SHROOM3: variants seen among roughly 807,000 people sequenced by gnomAD.
The protein encoded by SHROOM3 is shroom family member 3.
Under a neutral mutation model 138.6 loss-of-function variants are expected in SHROOM3, and 47 were observed. The ratio of observed to expected loss-of-function variants is 0.34; its 90% CI spans 0.27 to 0.43. The LOEUF is 0.43. Ranked by LOEUF, SHROOM3 falls within the 20% of genes least tolerant of loss-of-function variation. The pLI, the probability that SHROOM3 is intolerant of heterozygous loss-of-function variation, is 1.00. For missense variants in SHROOM3, 2,491 were observed against 2,596.5 expected, an observed-to-expected ratio of 0.96 and a Z score of 0.88; for synonymous variants, 1,062 against 1,063.3, an observed-to-expected ratio of 1.00 and a Z score of 0.02.
chr4:76,535,832 G>C (rs1732941327), intron 1 of SHROOM3, among the ~76,000 whole-genome samples: 2 of 152,222 alleles, frequency 1.3e-5, no homozygotes, highest in South Asian at 4.1e-4. Context: ...GCACAGTTTT[G>C]AGTGATTGAA....
At chr4:76,649,183 T>C (rs988973342) in intron 2 of SHROOM3, among the ~76,000 whole-genome samples, 1 of 152,150 alleles carries the variant, frequency 6.6e-6, no homozygotes, top group African/African-American at 2.4e-5. Flanking sequence ...AGACCCACAT[T>C]GACTTTGTTA....
intron 2 of SHROOM3, among the ~76,000 whole-genome samples, chr4:76,676,849 A>T (rs1382551829): frequency 6.7e-6 from 1 of 149,750 alleles, no homozygotes; most frequent in African/African-American, 2.5e-5. Context: ...AGGCTGAGGC[A>T]GGAGAATGGC....
chr4:76,741,688 G>C lies in SHROOM3; in HGVS notation c.3515G>C (p.Ser1172Thr). Residue 1172 changes from serine to threonine, a missense_variant, in exon 5 of 11, where the codon AGC becomes ACC. Transcript: ENST00000296043. The surrounding 1 kb of genome is among the most constrained non-coding windows in gnomAD (Gnocchi z 6.2). ...ETQQAPRDRS[S>T]SFAGGRRLGE... ...CAGCAGGCTCCCCGAGATCGCAGCAGCTCCTTCGCCGGTGGCCGCCGCCTC... is the reference window on the plus strand; with the variant it reads ...CAGCAGGCTCCCCGAGATCGCAGCACCTCCTTCGCCGGTGGCCGCCGCCTC... 1.3e-6 allele frequency: 2 copies of C among 1,552,622 alleles called. No individual in the cohort carries two copies. The highest frequency in any genetic ancestry group is 1.7e-6 in the Non-Finnish European group (2 of 1,150,598).
At chr4:76,661,238 T>C (rs1027132593) in intron 2 of SHROOM3, among the ~76,000 whole-genome samples, 2 of 152,068 alleles carry the variant, frequency 1.3e-5, no homozygotes, top group Non-Finnish European at 2.9e-5. Flanking sequence ...CATTTTCTTT[T>C]TTTTTTTTCT....
Position 76,591,675 on chromosome 4 carries a change from C to A in SHROOM3, c.323+35912C>A, listed in dbSNP as rs567512653. Among the ~76,000 whole-genome samples, 5 of 130,378 alleles carry A rather than the reference C, an allele frequency of 3.8e-5. No individual in the cohort carries two copies. The South Asian group carries it at 1.5e-3, about 38-fold the overall frequency. The allele number at this position is 130,378 out of a possible 152,430, so 85.5% of individuals were successfully genotyped here. On this transcript the variant is annotated intron_variant, in intron 2 of 10. Transcript: ENST00000296043. ...GTGTTATTTAGATCTATTACATTGC[C>A]CTTAGTAATGGCGCCAACCTACCCG...
intron 2 of SHROOM3, among the ~76,000 whole-genome samples, chr4:76,653,501 G>T (rs1736004389): frequency 6.6e-6 from 1 of 150,588 alleles, no homozygotes; most frequent in Admixed American, 6.7e-5. Context: ...TATGACATGT[G>T]GTATATGCAA....
intron 2 of SHROOM3, among the ~76,000 whole-genome samples, chr4:76,668,434 G>A (rs1208835840): frequency 4.6e-5 from 7 of 152,052 alleles, no homozygotes; most frequent in East Asian, 1.9e-4. Flanking sequence ...TTAGCCGGAC[G>A]TAGTGGCACA....
chr4:76,687,889 G>C (rs1467984749), intron 2 of SHROOM3, among the ~76,000 whole-genome samples: 1 of 152,152 alleles, frequency 6.6e-6, no homozygotes. Context: ...AGAGCACTTA[G>C]AAAACAAGAT....
chr4:76,673,351 C>A (rs546783880), intron 2 of SHROOM3, among the ~76,000 whole-genome samples: 1 of 152,160 alleles, frequency 6.6e-6, no homozygotes, highest in East Asian at 1.9e-4. Flanking sequence ...ATATATTATA[C>A]CAAGGTAATT....
chr4:76,565,759 T>C (rs1040006006), intron 2 of SHROOM3, among the ~76,000 whole-genome samples: 1 of 152,110 alleles, frequency 6.6e-6, no homozygotes, highest in Non-Finnish European at 1.5e-5. Context: ...AACCTCCAAG[T>C]CCAGCCTCAG....
In SHROOM3 at chr4:76,756,915, T is replaced by C; in HGVS notation, c.5176T>C (p.Ser1726Pro). 1 of 1,614,006 alleles carries C rather than the reference T, an allele frequency of 6.2e-7. No individual in the cohort carries two copies. Among genetic ancestry groups the C allele is most frequent in the East Asian group, 2.2e-5 (1 of 44,870 alleles). The change falls in exon 8 of 11, where the codon TCT becomes CCT. Residue 1726 changes from serine (S) to proline (P), a missense_variant. By Grantham distance (74) the Ser-to-Pro change is moderately conservative. Coordinates refer to ENST00000296043, the MANE Select transcript of SHROOM3 (RefSeq NM_020859.4). The part of the protein sequence containing the change: ...KRKAIQRTVS[S>P]SGCEGKRNED... ...GAAGGCCATACAGAGAACTGTCAGCTCTTCAGGATGTGAAGGCAAGAGGTA... is the reference window on the plus strand; with the variant it reads ...GAAGGCCATACAGAGAACTGTCAGCCCTTCAGGATGTGAAGGCAAGAGGTA...
intron 7 of SHROOM3, 45 bp from the exon 8 acceptor site, chr4:76,756,404 T>TC (rs11383067): frequency 0.073 from 103,393 of 1,418,692 alleles, 2,296 homozygotes; most frequent in African/African-American, 0.17. Context: ...TCACTCTCTC[T>TC]TTCTCTCTCT....
chr4:76,553,564 C>T (rs1196942707), intron 1 of SHROOM3, among the ~76,000 whole-genome samples: 1 of 152,148 alleles, frequency 6.6e-6, no homozygotes, highest in Non-Finnish European at 1.5e-5. Context: ...GCATGAGACA[C>T]CGCACGAGGC....
intron 1 of SHROOM3, among the ~76,000 whole-genome samples, chr4:76,524,660 G>T (rs112533436): frequency 0.061 from 9,255 of 152,240 alleles, 412 homozygotes; most frequent in Non-Finnish European, 0.091. Context: ...CAATAGATTT[G>T]TGCCCAGGAT....
At chr4:76,693,688 G>A (rs1216434928) in intron 2 of SHROOM3, among the ~76,000 whole-genome samples, 1 of 151,940 alleles carries the variant, frequency 6.6e-6, no homozygotes, top group Admixed American at 6.6e-5. Flanking sequence ...CCTGGCCCTT[G>A]ATGAGTCATT....
intron 2 of SHROOM3, among the ~76,000 whole-genome samples, chr4:76,707,640 G>A (rs1003151170): frequency 6.6e-6 from 1 of 152,100 alleles, no homozygotes; most frequent in African/African-American, 2.4e-5. Context: ...TGAGTTCAAT[G>A]TACAGGTAAG....
At chr4:76,654,533 T>G (rs1455710582) in intron 2 of SHROOM3, among the ~76,000 whole-genome samples, 2 of 152,174 alleles carry the variant, frequency 1.3e-5, no homozygotes, top group Non-Finnish European at 2.9e-5. Flanking sequence ...TTCACCATGT[T>G]GCCCAGGCTG....
At chr4:76,662,933 G>A (rs1264688890) in intron 2 of SHROOM3, among the ~76,000 whole-genome samples, 2 of 147,642 alleles carry the variant, frequency 1.4e-5, no homozygotes, top group Non-Finnish European at 3.0e-5. Context: ...GGGAGAGGGA[G>A]AGGGAGGGAG....
chr4:76,504,087 A>C (rs945326977), intron 1 of SHROOM3, among the ~76,000 whole-genome samples: 1 of 152,178 alleles, frequency 6.6e-6, no homozygotes. Context: ...CAACTGTAAG[A>C]GATTTTGATG....
Sources: gnomAD v4.1 joint callset for allele counts (sites outside exome capture counted in the v4.1 genomes callset) on GRCh38, gnomAD v4.1.1 for gene constraint, Gnocchi (gnomAD v3.1) non-coding constraint, MANE v1.5 for transcripts, NCBI Gene and HGNC (gene_info 2026-07-23, HGNC 2026-07-21) for gene names.